Variants in TEX10 observed in about 807,000 individuals in gnomAD.
The protein encoded by TEX10 is testis-expressed protein 10.
TEX10 carries 24 observed loss-of-function variants against 104.4 expected under a neutral mutation model. That is an observed-to-expected ratio of 0.23 (90% CI 0.17 to 0.32). The LOEUF is 0.32. TEX10 is among the 10% of genes least tolerant of loss of function. The pLI is 1.00. For synonymous variants in TEX10, 396 were observed against 393.4 expected (o/e 1.01, Z -0.08); for missense variants, 921 against 1,083.9 (o/e 0.85, Z 2.11).
intron 13 of TEX10, 73 bp from the exon 14 acceptor site, chr9:100,303,915 A>G: frequency 7.1e-7 from 1 of 1,398,836 alleles, no homozygotes; most frequent in South Asian, 1.2e-5. Context: ...ATATTCCCCC[A>G]AAGTGAAATG....
In TEX10 at chr9:100,327,919, A is replaced by G. The variant is rs767591123; in HGVS notation, c.1669T>C (p.Leu557=). 3.1e-6 allele frequency: 5 copies of G among 1,596,040 alleles called. No individual in the cohort carries two copies. The East Asian group carries it at 8.9e-5, about 29-fold the overall frequency. ...VLSRWLAGLP[L]QLAHLGSRNP... Reference sequence around the variant, plus strand: ...CGGGAGCCAAGATGAGCAAGTTGCAATGGTAAGCCAGCCAGCCAACGGGAT... The same window carrying G: ...CGGGAGCCAAGATGAGCAAGTTGCAGTGGTAAGCCAGCCAGCCAACGGGAT... Residue 557 remains leucine (L), a synonymous_variant, in exon 8 of 15, where the codon TTG becomes CTG. Transcript: ENST00000374902.
intron 11 of TEX10, among the ~76,000 whole-genome samples, chr9:100,312,814 C>T (rs971375251): frequency 3.2e-4 from 49 of 152,174 alleles, no homozygotes; most frequent in African/African-American, 1.2e-3. Flanking sequence ...CTAAAATAAA[C>T]GTAAGATTTC....
chr9:100,332,932 C>A (rs1409399586), intron 5 of TEX10, among the ~76,000 whole-genome samples: 1 of 152,114 alleles, frequency 6.6e-6, no homozygotes, highest in East Asian at 1.9e-4. Flanking sequence ...ACTAAGGCAA[C>A]CTTTTAGTGG....
intron 5 of TEX10, among the ~76,000 whole-genome samples, chr9:100,338,070 C>T (rs578021816): frequency 4.1e-4 from 62 of 152,228 alleles, no homozygotes; most frequent in African/African-American, 1.2e-3. Flanking sequence ...TGGGACTCTG[C>T]GACCCACATT....
chr9:100,318,280 GC>G (rs1256436345), intron 11 of TEX10, among the ~76,000 whole-genome samples: 1 of 152,198 alleles, frequency 6.6e-6, no homozygotes, highest in Non-Finnish European at 1.5e-5. Flanking sequence ...ATACTATTTA[GC>G]CATAGAAAAG....
At chr9:100,313,861 AAG>A (rs1299495316) in intron 11 of TEX10, among the ~76,000 whole-genome samples, 5 of 151,750 alleles carry the variant, frequency 3.3e-5, no homozygotes, top group South Asian at 2.1e-4. Flanking sequence ...AAAAAAAAAA[AAG>A]AGACACACAC....
intron 10 of TEX10, 97 bp downstream of exon 10, chr9:100,321,586 A>G (rs566662517): frequency 3.4e-5 from 33 of 969,204 alleles, no homozygotes; most frequent in South Asian, 3.4e-4. Context: ...ATCATCTTCA[A>G]AACTGAACCA....
chr9:100,346,936 T>A lies in TEX10; in HGVS notation c.651A>T (p.Arg217Ser), dbSNP rs772851990. Residue 217 changes from arginine (R) to serine (S), a missense_variant, in exon 3 of 15, where the codon AGA becomes AGT. Arg to Ser is a moderately radical substitution (Grantham distance 110, BLOSUM62 -1). Transcript: ENST00000374902. The part of the protein sequence containing the change: ...SWILSVNPNR[R>S]LTSQQWRLKV... ...TCAGCCTCCATTGCTGAGAAGTGAG[T>A]CTCCGATTAGGATTTACAGAAAGTA... is the stretch of plus-strand genomic sequence containing the variant. The A allele has an allele frequency of 6.2e-7, 1 of 1,614,010 alleles. No individual in the cohort carries two copies.
rs34520951 is a variant in TEX10, at chr9:100,313,513, C to CA, written c.2203-3135dup. ...CTGGGCAACAAGAGTGAAACTTGGT[C>CA]AAAAAAAAAAAAAAGAAAAAGAAAA... On this transcript the variant is annotated intron_variant, in intron 11 of 14. Coordinates refer to ENST00000374902, the MANE Select transcript of TEX10 (RefSeq NM_017746.4). Among the ~76,000 whole-genome samples the CA allele has an allele frequency of 3.1e-3, 341 of 108,882 alleles. 2 individuals are homozygous for CA. The highest frequency in any genetic ancestry group is 9.5e-3 in the East Asian group (34 of 3,566). 71.4% of individuals were successfully genotyped at this position (108,882 alleles called of 152,430 possible). A position where few individuals can be genotyped will look rare whatever the true frequency, so the allele number is the denominator to read the frequency against.
chr9:100,340,331 T>A lies in TEX10; in HGVS notation c.1176A>T (p.Lys392Asn). The part of the protein sequence containing the change: ...WLRKNYLIDF[K>N]HHFMSRFPYV... ...ATGGAAAACGACTCATAAAATGGTG[T>A]TTAAAATCAATAAGGTAGTTCTTTC... is the stretch of plus-strand genomic sequence containing the variant. The change falls in exon 5 of 15, where the codon AAA (lysine) becomes AAT (asparagine). Residue 392 changes from lysine to asparagine, a missense_variant. This residue lies in a region of TEX10 where 753 missense variants were observed against 868.4 expected (regional missense o/e 0.87). Coordinates refer to ENST00000374902, the MANE Select transcript of TEX10 (RefSeq NM_017746.4). The A allele has an allele frequency of 6.4e-7, 1 of 1,572,192 alleles. No homozygotes were observed. The highest frequency in any genetic ancestry group is 1.4e-5 in the African/African-American group (1 of 72,146).
chr9:100,339,874 A>G (rs980387215), intron 5 of TEX10, among the ~76,000 whole-genome samples: 1 of 151,876 alleles, frequency 6.6e-6, no homozygotes, highest in Non-Finnish European at 1.5e-5. Context: ...TAGTTTCAAT[A>G]CCAGGTTCCT....
intron 9 of TEX10, among the ~76,000 whole-genome samples, chr9:100,323,107 A>C (rs1300133353): frequency 6.6e-6 from 1 of 152,202 alleles, no homozygotes; most frequent in Non-Finnish European, 1.5e-5. Flanking sequence ...TCTTGACCTC[A>C]ATGAAAACAG....
chr9:100,305,113 T>TC (rs1834113147), intron 13 of TEX10: 2 of 152,174 alleles, frequency 1.3e-5, no homozygotes, highest in Admixed American at 6.5e-5. Context: ...AACCACATTC[T>TC]CCAAGTGTTA....
Position 100,310,225 on chromosome 9 carries a change from G to A in TEX10, c.2283+74C>T, listed in dbSNP as rs193292509. ...TAGAATTCCAGACATGCTCTTTCTG[G>A]GGCTGTGGAAAACTCTATTCTAACC... On this transcript the variant is annotated intron_variant, in intron 12 of 14. Coordinates refer to ENST00000374902, the MANE Select transcript of TEX10 (RefSeq NM_017746.4). The A allele has an allele frequency of 1.1e-5, 13 of 1,192,128 alleles. No individual in the cohort carries two copies. In the African/African-American group the frequency reaches 2.0e-4, roughly 18 times the overall value. 73.8% of individuals were successfully genotyped at this position (1,192,128 alleles called of 1,614,324 possible).
chr9:100,315,780 G>A (rs1017338464), intron 11 of TEX10, among the ~76,000 whole-genome samples: 4 of 152,042 alleles, frequency 2.6e-5, no homozygotes, highest in South Asian at 2.1e-4. Flanking sequence ...TTAGTCTGAC[G>A]GGATTTTCTT....
chr9:100,316,583 T>C (rs1013631837), intron 11 of TEX10, among the ~76,000 whole-genome samples: 47 of 152,114 alleles, frequency 3.1e-4, no homozygotes, highest in African/African-American at 1.1e-3. Context: ...AAGAGGAAGC[T>C]GAATTATCCC....
chr9:100,303,530 A>C, intron 14 of TEX10, 102 bp downstream of exon 14: 20 of 1,176,238 alleles, frequency 1.7e-5, no homozygotes, highest in Non-Finnish European at 2.1e-5. Context: ...GACTCAATGT[A>C]TGGGATCCCT....
chr9:100,345,302 A>G (rs1835274690), intron 4 of TEX10, among the ~76,000 whole-genome samples: 1 of 152,236 alleles, frequency 6.6e-6, no homozygotes, highest in Admixed American at 6.5e-5. Flanking sequence ...ACTATCAAAT[A>G]CTACTTAATT....
rs144976692 is a variant in TEX10, at chr9:100,348,449, T to C, written c.180+735A>G. On this transcript the variant is annotated intron_variant, in intron 2 of 14. Coordinates refer to ENST00000374902, the MANE Select transcript of TEX10 (RefSeq NM_017746.4). ...TATCTCCATAAAGCTGTTAGATTCT[T>C]AAGCAACACTTCTCAAACTTCAATT... Among the ~76,000 whole-genome samples the C allele has an allele frequency of 8.5e-5, 13 of 152,354 alleles. No individual in the cohort carries two copies. The East Asian group carries it at 2.5e-3, about 29-fold the overall frequency.
Sources: allele counts gnomAD v4.1 joint callset (sites outside exome capture counted in the v4.1 genomes callset), GRCh38; gene constraint gnomAD v4.1.1; regional missense constraint gnomAD v4.1.1; transcripts MANE v1.5; gene names NCBI Gene and HGNC (gene_info 2026-07-23, HGNC 2026-07-21).